MRPS6: variants seen among roughly 807,000 people sequenced by gnomAD.
MRPS6 encodes small ribosomal subunit protein bS6m.
MRPS6 carries 6 observed loss-of-function variants against 13.1 expected under a neutral mutation model. The ratio of observed to expected loss-of-function variants is 0.46; its 90% CI spans 0.25 to 0.91. The LOEUF (loss-of-function observed/expected upper bound fraction) is 0.91. Among genes scored for constraint, MRPS6 ranks in the 40% least tolerant of loss-of-function variants. MRPS6 has a pLI of 0.18. For synonymous variants in MRPS6, 61 were observed against 56.5 expected (o/e 1.08, Z -0.36); for missense variants, 164 against 155.6 (o/e 1.05, Z -0.29).
intron 1 of MRPS6, among the ~76,000 whole-genome samples, chr21:34,089,923 T>C (rs1002912264): frequency 1.3e-5 from 2 of 152,240 alleles, no homozygotes; most frequent in African/African-American, 4.8e-5. Flanking sequence ...ACGGTACAGG[T>C]TGAATATCCC....
chr21:34,117,703 T>A (rs1979974608), intron 1 of MRPS6, among the ~76,000 whole-genome samples: 1 of 152,162 alleles, frequency 6.6e-6, no homozygotes, highest in South Asian at 2.1e-4. Flanking sequence ...CAGCTTACAT[T>A]TCTGATACCC....
intron 2 of MRPS6, among the ~76,000 whole-genome samples, chr21:34,141,792 G>A (rs79647857): frequency 0.021 from 3,253 of 152,288 alleles, 114 homozygotes; most frequent in African/African-American, 0.072. Context: ...CCAGTGAGCC[G>A]TGCGGGATGC....
chr21:34,097,256 G>C, intron 1 of MRPS6: 1 of 1,614,060 alleles, frequency 6.2e-7, no homozygotes, highest in Non-Finnish European at 8.5e-7. Flanking sequence ...TTTGTTTACA[G>C]ATGCTAGAAG....
rs530828461 is a variant in MRPS6, at chr21:34,084,037, G to C, written c.45+10292G>C. 2.0e-5 allele frequency among the ~76,000 whole-genome samples: 3 copies of C among 152,206 alleles called. No individual in the cohort carries two copies. The South Asian group carries it at 6.2e-4, about 32-fold the overall frequency. ...TTATAATCTAGAATACCATGTTTCT[G>C]TTTTTATTTCTTAGGTTTAATTCAG... On this transcript the variant is annotated intron_variant, in intron 1 of 2. Coordinates refer to ENST00000399312, the MANE Select transcript of MRPS6 (RefSeq NM_032476.4).
chr21:34,110,861 A>T (rs953739416), intron 1 of MRPS6, among the ~76,000 whole-genome samples: 1 of 152,222 alleles, frequency 6.6e-6, no homozygotes, highest in African/African-American at 2.4e-5. Flanking sequence ...GCTAGAACTC[A>T]TGCCTGCATT....
At chr21:34,076,586 TAAG>T (rs1208252711) in intron 1 of MRPS6, among the ~76,000 whole-genome samples, 2 of 152,242 alleles carry the variant, frequency 1.3e-5, no homozygotes, top group African/African-American at 4.8e-5. Context: ...CTAGTGTTTC[TAAG>T]AAGAAATTTA....
At chr21:34,132,935 CTCTT>C (rs1299548408) in intron 2 of MRPS6, among the ~76,000 whole-genome samples, 2 of 152,174 alleles carry the variant, frequency 1.3e-5, no homozygotes, top group African/African-American at 4.8e-5. Context: ...TTTTGAGTCT[CTCTT>C]CTTAACTACA....
chr21:34,097,542 T>G, intron 1 of MRPS6: 1 of 1,381,672 alleles, frequency 7.2e-7, no homozygotes, highest in Non-Finnish European at 9.4e-7. Flanking sequence ...AATCTTCAAC[T>G]TAAGTGAAGC....
chr21:34,102,187 C>A, intron 1 of MRPS6: 1 of 999,824 alleles, frequency 1.0e-6, no homozygotes, highest in Non-Finnish European at 1.2e-6. Context: ...GCTACTTTGA[C>A]TCCTAGGAGA....
intron 1 of MRPS6, chr21:34,095,875 C>G: frequency 6.2e-7 from 1 of 1,614,078 alleles, no homozygotes; most frequent in Admixed American, 1.7e-5. Context: ...GATGTCACTT[C>G]CATCTTATTG....
intron 1 of MRPS6, among the ~76,000 whole-genome samples, chr21:34,085,780 T>C (rs999509730): frequency 6.6e-6 from 1 of 152,020 alleles, no homozygotes; most frequent in Admixed American, 6.6e-5. Flanking sequence ...TTTTTTGTAG[T>C]TTTAGTAGAG....
chr21:34,082,958 T>C (rs909813862), intron 1 of MRPS6, among the ~76,000 whole-genome samples: 1 of 152,016 alleles, frequency 6.6e-6, no homozygotes, highest in Non-Finnish European at 1.5e-5. Flanking sequence ...AGCTTAAAAA[T>C]GAAATTGCAA....
At chr21:34,076,800 C>G (rs1260955679) in intron 1 of MRPS6, among the ~76,000 whole-genome samples, 1 of 152,084 alleles carries the variant, frequency 6.6e-6, no homozygotes, top group African/African-American at 2.4e-5. Context: ...AGTCTTAGTT[C>G]ATATTTATAG....
chr21:34,137,965 A>G (rs1163488111), intron 2 of MRPS6, among the ~76,000 whole-genome samples: 1 of 151,862 alleles, frequency 6.6e-6, no homozygotes. Flanking sequence ...GTCATGGTAT[A>G]TTGTATTTTT....
chr21:34,098,046 A>G (rs368611638), intron 1 of MRPS6: 9 of 999,634 alleles, frequency 9.0e-6, no homozygotes, highest in South Asian at 4.7e-5. Context: ...GAAATGACCA[A>G]CAAGTCTGCC....
intron 1 of MRPS6, chr21:34,101,003 A>G: frequency 3.0e-6 from 3 of 1,000,150 alleles, no homozygotes; most frequent in Non-Finnish European, 3.6e-6. Flanking sequence ...CTGGAAAGGG[A>G]TCACATGGGT....
chr21:34,132,316 A>G (rs559625577), intron 2 of MRPS6, among the ~76,000 whole-genome samples: 94 of 152,282 alleles, frequency 6.2e-4, no homozygotes, highest in Non-Finnish European at 8.8e-4. Flanking sequence ...CCACGGTGTA[A>G]TAGGGAGCCA....
At chr21:34,097,328 T>C (rs142721463) in intron 1 of MRPS6, 2 of 1,607,162 alleles carry the variant, frequency 1.2e-6, no homozygotes, top group Non-Finnish European at 1.7e-6. Context: ...CACTTGGAAT[T>C]TTCATGTTTG....
intron 1 of MRPS6, among the ~76,000 whole-genome samples, chr21:34,074,686 C>T (rs1989282318): frequency 6.6e-6 from 1 of 152,074 alleles, no homozygotes; most frequent in Non-Finnish European, 1.5e-5. Context: ...TTTTTTTCTC[C>T]ACCAGGTGTA....
Sources: allele counts gnomAD v4.1 joint callset (sites outside exome capture counted in the v4.1 genomes callset), GRCh38; gene constraint gnomAD v4.1.1; transcripts MANE v1.5; gene names NCBI Gene and HGNC (gene_info 2026-07-23, HGNC 2026-07-21).